CDH18: variants seen among roughly 807,000 people sequenced by gnomAD.
CDH18 encodes cadherin-18.
CDH18 carries 31 observed loss-of-function variants against 67.9 expected under a neutral mutation model. The observed-to-expected ratio is 0.46, with a 90% CI of 0.34 to 0.62. The LOEUF (loss-of-function observed/expected upper bound fraction) is 0.62. Ranked by LOEUF, CDH18 falls within the 20% of genes least tolerant of loss-of-function variation. The probability of loss-of-function intolerance (pLI) is 0.01; values close to 1 mark genes in which losing one functional copy is unlikely to be tolerated. For synonymous variants in CDH18, 362 were observed against 347.2 expected (o/e 1.04, Z -0.48); for missense variants, 890 against 975.5 (o/e 0.91, Z 1.17).
intron 5 of CDH18, among the ~76,000 whole-genome samples, chr5:19,656,558 C>G (rs920587509): frequency 2.0e-5 from 3 of 151,974 alleles, no homozygotes; most frequent in African/African-American, 4.8e-5. Context: ...TCCAGCTGAA[C>G]TAGAATTAGA....
chr5:20,228,277 A>G (rs1741794843), intron 2 of CDH18, among the ~76,000 whole-genome samples: 1 of 151,984 alleles, frequency 6.6e-6, no homozygotes, highest in South Asian at 2.1e-4. Flanking sequence ...TCCTCAAGCT[A>G]GAAGTACTAT....
At chr5:20,330,740 C>A (rs1055384743) in intron 1 of CDH18, among the ~76,000 whole-genome samples, 1 of 152,190 alleles carries the variant, frequency 6.6e-6, no homozygotes, top group Non-Finnish European at 1.5e-5. Context: ...AGAAGGGATG[C>A]AAGACCCCAG....
chr5:19,874,057 A>G (rs1786656087), intron 2 of CDH18, among the ~76,000 whole-genome samples: 1 of 152,248 alleles, frequency 6.6e-6, no homozygotes, highest in South Asian at 2.1e-4. Flanking sequence ...AAGGGCATGT[A>G]TACACTCAGA....
chr5:20,181,403 G>A (rs1034031543), intron 2 of CDH18, among the ~76,000 whole-genome samples: 4 of 152,052 alleles, frequency 2.6e-5, no homozygotes, highest in Non-Finnish European at 4.4e-5. Flanking sequence ...TGCACTAATA[G>A]GCCTTTTGGG....
chr5:19,920,495 C>T (rs1361475508), intron 2 of CDH18, among the ~76,000 whole-genome samples: 1 of 146,784 alleles, frequency 6.8e-6, no homozygotes, highest in East Asian at 2.0e-4. Flanking sequence ...AGATTAGACA[C>T]GACATTTAAC....
intron 4 of CDH18, among the ~76,000 whole-genome samples, chr5:19,733,648 C>A (rs887248611): frequency 6.6e-6 from 1 of 152,140 alleles, no homozygotes; most frequent in African/African-American, 2.4e-5. Flanking sequence ...GCAGCCGCCT[C>A]GTATGACAGA....
intron 5 of CDH18, among the ~76,000 whole-genome samples, chr5:19,632,194 G>A (rs1561507518): frequency 6.6e-6 from 1 of 152,124 alleles, no homozygotes; most frequent in South Asian, 2.1e-4. Context: ...TTCAGAAATG[G>A]ACATATTTTC....
At chr5:20,144,929 C>A (rs1158419987) in intron 2 of CDH18, among the ~76,000 whole-genome samples, 1 of 152,010 alleles carries the variant, frequency 6.6e-6, no homozygotes, top group Non-Finnish European at 1.5e-5. Flanking sequence ...GCTCTACCAG[C>A]CAAGGAATGC....
At chr5:20,126,062 C>A (rs1027484424) in intron 2 of CDH18, among the ~76,000 whole-genome samples, 1 of 152,070 alleles carries the variant, frequency 6.6e-6, no homozygotes, top group East Asian at 1.9e-4. Flanking sequence ...GATTTCAAAA[C>A]GAATGACATA....
chr5:20,483,690 C>T (rs1752980357), intron 1 of CDH18, among the ~76,000 whole-genome samples: 1 of 150,336 alleles, frequency 6.7e-6, no homozygotes, highest in Admixed American at 6.6e-5. Flanking sequence ...AGGACACACA[C>T]ATCAATAAAT....
chr5:19,628,678 T>G (rs1207209919), intron 5 of CDH18, among the ~76,000 whole-genome samples: 1 of 152,170 alleles, frequency 6.6e-6, no homozygotes, highest in Non-Finnish European at 1.5e-5. Context: ...TTGGATCTAC[T>G]CTGAGATTAT....
rs778010503 is a variant in CDH18, at chr5:19,577,105, A to G, written c.1000-5273T>C. 2.4e-4 allele frequency among the ~76,000 whole-genome samples: 37 copies of G among 152,166 alleles called. 1 individual carries two copies. The highest frequency in any genetic ancestry group is 1.8e-4 in the Non-Finnish European group (12 of 68,026). The stretch of plus-strand genomic sequence containing the variant: ...GCTGGGAATAGAGAGGTGAGTAGGA[A>G]AAGGGGAGACATTGGTTAATGGGTA... On this transcript the variant is annotated intron_variant, in intron 7 of 12. Coordinates refer to ENST00000382275, the MANE Select transcript of CDH18 (RefSeq NM_004934.5).
intron 7 of CDH18, among the ~76,000 whole-genome samples, chr5:19,573,174 T>C (rs77888160): frequency 6.6e-6 from 1 of 152,180 alleles, no homozygotes; most frequent in Non-Finnish European, 1.5e-5. Context: ...ACATTATGAA[T>C]TTCAGATTAT....
intron 2 of CDH18, among the ~76,000 whole-genome samples, chr5:19,912,014 G>C (rs867899420): frequency 6.6e-6 from 1 of 152,014 alleles, no homozygotes; most frequent in Non-Finnish European, 1.5e-5. Flanking sequence ...TCATTGAAGC[G>C]GCAAGATTGA....
chr5:19,593,734 T>TCTTCTTCTTCTTCTTCTG (rs1745687987), intron 6 of CDH18, among the ~76,000 whole-genome samples: 3 of 139,170 alleles, frequency 2.2e-5, no homozygotes, highest in Non-Finnish European at 4.6e-5. Flanking sequence ...TTCTTCTTCT[T>TCTTCTTCTTCTTCTTCTG]CTTCTTCTTC....
chr5:19,846,207 T>G (rs2150054234), intron 2 of CDH18, among the ~76,000 whole-genome samples: 1 of 152,194 alleles, frequency 6.6e-6, no homozygotes, highest in African/African-American at 2.4e-5. Flanking sequence ...ACAATGGGAC[T>G]TACAGAAACC....
intron 6 of CDH18, among the ~76,000 whole-genome samples, chr5:19,593,612 C>T (rs1480771951): frequency 3.5e-5 from 5 of 144,542 alleles, no homozygotes; most frequent in African/African-American, 1.0e-4. Flanking sequence ...CACCCACTCC[C>T]CCTCCCGTTC....
At chr5:19,847,489 A>G (rs1320415010) in intron 2 of CDH18, among the ~76,000 whole-genome samples, 2 of 151,942 alleles carry the variant, frequency 1.3e-5, no homozygotes, top group African/African-American at 4.8e-5. Context: ...TGATATTCTT[A>G]TTTTGTTTAT....
At chr5:20,333,352 A>C (rs1739362013) in intron 1 of CDH18, among the ~76,000 whole-genome samples, 1 of 151,766 alleles carries the variant, frequency 6.6e-6, no homozygotes. Context: ...ACTAAAATAC[A>C]AAAAATTAGC....
Sources: allele counts gnomAD v4.1 joint callset (sites outside exome capture counted in the v4.1 genomes callset), GRCh38; gene constraint gnomAD v4.1.1; transcripts MANE v1.5; gene names NCBI Gene and HGNC (gene_info 2026-07-23, HGNC 2026-07-21).